Variants in ARHGAP15 observed in about 807,000 individuals in gnomAD.
ARHGAP15 encodes Rho GTPase activating protein 15.
ARHGAP15 carries 51 observed loss-of-function variants against 63.7 expected under a neutral mutation model. The ratio of observed to expected loss-of-function variants is 0.80; its 90% CI spans 0.64 to 1.01. ARHGAP15 has a LOEUF of 1.01. Ranked by LOEUF, ARHGAP15 falls within the 50% of genes least tolerant of loss-of-function variation. The pLI, the probability that ARHGAP15 is intolerant of heterozygous loss-of-function variation, is 0.00. For synonymous variants in ARHGAP15, 191 were observed against 193.8 expected, an observed-to-expected ratio of 0.99 and a Z score of 0.12; for missense variants, 560 against 564.6, an observed-to-expected ratio of 0.99 and a Z score of 0.08.
In ARHGAP15 at chr2:143,330,122, A is replaced by C. The variant is rs1044581987; in HGVS notation, c.474+79522A>C. ...AAAAAAAAAAAAAAAAAAAAAAAAA[A>C]AAAAAAAAACCAAAAACAAAAAACT... On this transcript the variant is annotated intron_variant, in intron 6 of 13. Transcript: ENST00000295095. Among the ~76,000 whole-genome samples, 2 of 81,388 alleles carry C rather than the reference A, an allele frequency of 2.5e-5. 1 individual carries two copies. The highest frequency in any genetic ancestry group is 5.3e-5 in the Non-Finnish European group (2 of 37,840). The allele number at this position is 81,388 out of a possible 152,430, so 53.4% of individuals were successfully genotyped here. A position where few individuals can be genotyped will look rare whatever the true frequency, so the allele number is the denominator to read the frequency against.
chr2:143,616,398 G>T (rs2105227503), intron 11 of ARHGAP15, among the ~76,000 whole-genome samples: 1 of 152,212 alleles, frequency 6.6e-6, no homozygotes, highest in East Asian at 1.9e-4. Context: ...TAGAGTAGAA[G>T]ACCGTTCCAC....
At chr2:143,730,686 A>G (rs761553946) in intron 13 of ARHGAP15, among the ~76,000 whole-genome samples, 6 of 152,056 alleles carry the variant, frequency 3.9e-5, no homozygotes, top group African/African-American at 1.2e-4. Context: ...GGGCTTCATT[A>G]TATTTTGTAT....
intron 12 of ARHGAP15, among the ~76,000 whole-genome samples, chr2:143,665,775 C>A (rs1559113405): frequency 6.6e-6 from 1 of 151,822 alleles, no homozygotes; most frequent in Admixed American, 6.6e-5. Flanking sequence ...ACACCAATAA[C>A]AGACAAACAG....
chr2:143,561,812 T>C (rs1045112749), intron 11 of ARHGAP15, among the ~76,000 whole-genome samples: 2 of 152,186 alleles, frequency 1.3e-5, no homozygotes, highest in Non-Finnish European at 2.9e-5. Flanking sequence ...GACATGTTTT[T>C]CATTTATAGA....
At chr2:143,618,779 T>A (rs1698540056) in intron 11 of ARHGAP15, among the ~76,000 whole-genome samples, 1 of 152,068 alleles carries the variant, frequency 6.6e-6, no homozygotes, top group Admixed American at 6.6e-5. Flanking sequence ...CTGCTGGTTA[T>A]ATATACCAAT....
chr2:143,543,087 A>G (rs1473178503), intron 10 of ARHGAP15, among the ~76,000 whole-genome samples: 1 of 151,562 alleles, frequency 6.6e-6, no homozygotes, highest in Non-Finnish European at 1.5e-5. Context: ...ATCATATGGT[A>G]TTTCTATTTT....
At chr2:143,326,922 A>G (rs1395514101) in intron 6 of ARHGAP15, among the ~76,000 whole-genome samples, 2 of 152,212 alleles carry the variant, frequency 1.3e-5, no homozygotes, top group Non-Finnish European at 2.9e-5. Flanking sequence ...CAGGGTAATC[A>G]GGCAAGAGAA....
intron 10 of ARHGAP15, among the ~76,000 whole-genome samples, chr2:143,532,028 A>G (rs746515650): frequency 3.3e-5 from 5 of 152,214 alleles, no homozygotes; most frequent in Non-Finnish European, 7.4e-5. Flanking sequence ...ATGCATGTTC[A>G]CAATGCTGAA....
chr2:143,762,216 T>C (rs1420914030), intron 13 of ARHGAP15, among the ~76,000 whole-genome samples: 1 of 152,156 alleles, frequency 6.6e-6, no homozygotes, highest in African/African-American at 2.4e-5. Context: ...CAAGAGGAAT[T>C]CCCAAATATT....
In ARHGAP15 at chr2:143,729,027, T is replaced by A. The variant is rs148485613; in HGVS notation, c.1244+25503T>A. ...ACCGACACTCAAGTTTCCTCCGCGATGTACCAGTAAAAAGTCTGAAGGTGG... is the reference window on the plus strand; with the variant it reads ...ACCGACACTCAAGTTTCCTCCGCGAAGTACCAGTAAAAAGTCTGAAGGTGG... On this transcript the variant is annotated intron_variant, in intron 13 of 13. Coordinates refer to ENST00000295095, the MANE Select transcript of ARHGAP15 (RefSeq NM_018460.4). 1.2e-4 allele frequency among the ~76,000 whole-genome samples: 19 copies of A among 152,342 alleles called. No individual in the cohort carries two copies. In the East Asian group the frequency reaches 3.3e-3, roughly 26 times the overall value.
chr2:143,275,715 T>C (rs1026076986), intron 6 of ARHGAP15, among the ~76,000 whole-genome samples: 3 of 152,204 alleles, frequency 2.0e-5, no homozygotes, highest in African/African-American at 7.2e-5. Context: ...CCTATGATAA[T>C]GTAGTTCCCT....
intron 8 of ARHGAP15, among the ~76,000 whole-genome samples, chr2:143,479,963 T>C (rs1011189856): frequency 2.0e-5 from 3 of 152,160 alleles, no homozygotes; most frequent in Non-Finnish European, 4.4e-5. Flanking sequence ...GATGGTATAC[T>C]TAATATTTGC....
intron 1 of ARHGAP15, among the ~76,000 whole-genome samples, chr2:143,154,590 G>T (rs1205354182): frequency 6.6e-6 from 1 of 151,908 alleles, no homozygotes; most frequent in African/African-American, 2.4e-5. Context: ...TCCAGAAAAT[G>T]AGAAGATGTG....
At chr2:143,234,801 A>C (rs1693578487) in intron 5 of ARHGAP15, among the ~76,000 whole-genome samples, 1 of 152,130 alleles carries the variant, frequency 6.6e-6, no homozygotes, top group African/African-American at 2.4e-5. Context: ...TAAACAAATG[A>C]CCTCAGGAAA....
chr2:143,358,715 TAA>T (rs1685913783), intron 6 of ARHGAP15, among the ~76,000 whole-genome samples: 1 of 151,780 alleles, frequency 6.6e-6, no homozygotes, highest in Non-Finnish European at 1.5e-5. Context: ...TTCTTCTATA[TAA>T]GTTTTTCTTT....
At chr2:143,519,558 T>TGAG in intron 10 of ARHGAP15, 194 bp downstream of exon 10, 1 of 421,622 alleles carries the variant, frequency 2.4e-6, no homozygotes, top group Non-Finnish European at 4.4e-6. Context: ...TAATTCTCAC[T>TGAG]AATGTTCTTT....
intron 6 of ARHGAP15, among the ~76,000 whole-genome samples, chr2:143,312,498 C>CA (rs1164353775): frequency 6.6e-6 from 1 of 151,888 alleles, no homozygotes; most frequent in African/African-American, 2.4e-5. Context: ...AAAGCATGTT[C>CA]AAAAATGTAG....
At chr2:143,735,886 C>T (rs190225719) in intron 13 of ARHGAP15, among the ~76,000 whole-genome samples, 18 of 152,256 alleles carry the variant, frequency 1.2e-4, no homozygotes, top group Admixed American at 3.3e-4. Context: ...CATTAAGGAG[C>T]GCTGGTGCCT....
chr2:143,760,001 C>A (rs531813162), intron 13 of ARHGAP15, among the ~76,000 whole-genome samples: 3 of 152,100 alleles, frequency 2.0e-5, no homozygotes, highest in Non-Finnish European at 4.4e-5. Context: ...GGCCTGAAGT[C>A]ACATTGTATA....
Sources: allele counts gnomAD v4.1 joint callset (sites outside exome capture counted in the v4.1 genomes callset), GRCh38; gene constraint gnomAD v4.1.1; transcripts MANE v1.5; gene names NCBI Gene and HGNC (gene_info 2026-07-23, HGNC 2026-07-21).